ME3: variants seen among roughly 807,000 people sequenced by gnomAD.
ME3 encodes malic enzyme 3.
ME3 carries 48 observed loss-of-function variants against 68.9 expected under a neutral mutation model. That is an observed-to-expected ratio of 0.70 (90% CI 0.55 to 0.89). The LOEUF (loss-of-function observed/expected upper bound fraction) is 0.89, where lower values mean the gene tolerates loss of function less well. Among genes scored for constraint, ME3 ranks in the 40% least tolerant of loss-of-function variants. The pLI is 0.00. For synonymous variants in ME3, 320 were observed against 318.8 expected (o/e 1.00, Z -0.04); for missense variants, 675 against 797.4 (o/e 0.85, Z 1.85).
intron 4 of ME3, among the ~76,000 whole-genome samples, chr11:86,511,890 G>A (rs557942976): frequency 6.6e-6 from 1 of 152,078 alleles, no homozygotes; most frequent in African/African-American, 2.4e-5. Flanking sequence ...CAAGACCCAT[G>A]ACTCATGACT....
intron 2 of ME3, among the ~76,000 whole-genome samples, chr11:86,655,742 A>C (rs1439338673): frequency 6.6e-6 from 1 of 151,832 alleles, no homozygotes; most frequent in Non-Finnish European, 1.5e-5. Context: ...GACAAAATTG[A>C]CAAATGGAAT....
intron 2 of ME3, among the ~76,000 whole-genome samples, chr11:86,560,728 GTGTGTGTGTGTGTGTGTGTGTA>G (rs1957171839): frequency 2.0e-5 from 2 of 97,982 alleles, no homozygotes; most frequent in African/African-American, 4.0e-5. Flanking sequence ...GTGTGTGTAT[GTGTGTGTGTGTGTGTGTGTGTA>G]TATATATATA....
At chr11:86,556,445 C>T in intron 4 of ME3, 108 bp downstream of exon 4, 1 of 1,332,404 alleles carries the variant, frequency 7.5e-7, no homozygotes, top group Admixed American at 2.6e-5. Flanking sequence ...GGACCACTGA[C>T]CCAATCAGAG....
chr11:86,465,046 A>G (rs746833927), intron 8 of ME3, 45 bp downstream of exon 8: 6 of 1,481,278 alleles, frequency 4.1e-6, no homozygotes, highest in South Asian at 3.4e-5. Context: ...GGTTGAGAAT[A>G]TAAGTTAGTC....
chr11:86,607,987 T>C (rs906151535), intron 2 of ME3, among the ~76,000 whole-genome samples: 1 of 152,144 alleles, frequency 6.6e-6, no homozygotes, highest in Non-Finnish European at 1.5e-5. Context: ...ATGAGGTATT[T>C]CCCACATGCT....
At chr11:86,446,259 A>C (rs896828116) in intron 13 of ME3, 55 bp downstream of exon 13, 8 of 1,587,972 alleles carry the variant, frequency 5.0e-6, no homozygotes, top group African/African-American at 1.3e-5. Flanking sequence ...TATAGGACCC[A>C]GTGTCAACCC....
At chr11:86,517,334 A>G (rs1040877269) in intron 4 of ME3, among the ~76,000 whole-genome samples, 4 of 152,192 alleles carry the variant, frequency 2.6e-5, no homozygotes, top group Admixed American at 2.6e-4. Flanking sequence ...ATTAGCCTGC[A>G]TCCAGTGTGA....
chr11:86,641,857 G>A (rs1944691963), intron 2 of ME3, among the ~76,000 whole-genome samples: 3 of 152,092 alleles, frequency 2.0e-5, no homozygotes, highest in Non-Finnish European at 2.9e-5. Context: ...TGTTCCTGAT[G>A]CTATTAAAAC....
chr11:86,445,219 A>G (rs1284231596), intron 13 of ME3, among the ~76,000 whole-genome samples: 3 of 152,370 alleles, frequency 2.0e-5, no homozygotes, highest in East Asian at 3.9e-4. Flanking sequence ...TACTCAGACA[A>G]GAGGAACAGA....
chr11:86,515,330 G>C (rs1413622120), intron 4 of ME3, among the ~76,000 whole-genome samples: 1 of 152,106 alleles, frequency 6.6e-6, no homozygotes, highest in Non-Finnish European at 1.5e-5. Flanking sequence ...TAATGCTCTT[G>C]CAACACTATC....
intron 4 of ME3, among the ~76,000 whole-genome samples, chr11:86,532,463 A>C (rs1955323848): frequency 6.6e-6 from 1 of 152,232 alleles, no homozygotes; most frequent in African/African-American, 2.4e-5. Context: ...ATCATATGTT[A>C]GGCCATAAAA....
At chr11:86,506,190 T>C (rs1369630269) in intron 5 of ME3, among the ~76,000 whole-genome samples, 1 of 152,192 alleles carries the variant, frequency 6.6e-6, no homozygotes, top group African/African-American at 2.4e-5. Context: ...GATGTCTCTC[T>C]TATTTGGGGC....
intron 2 of ME3, among the ~76,000 whole-genome samples, chr11:86,580,087 TA>T (rs1430721351): frequency 1.3e-5 from 2 of 152,244 alleles, no homozygotes; most frequent in African/African-American, 4.8e-5. Context: ...TCTCATTTCA[TA>T]AACATGATTA....
intron 4 of ME3, among the ~76,000 whole-genome samples, chr11:86,530,186 C>G (rs1457103601): frequency 6.6e-6 from 1 of 152,140 alleles, no homozygotes; most frequent in African/African-American, 2.4e-5. Flanking sequence ...GCAAAAATCA[C>G]AAGCATTCTT....
At chr11:86,494,028 G>GA (rs1952159472) in intron 6 of ME3, among the ~76,000 whole-genome samples, 1 of 148,346 alleles carries the variant, frequency 6.7e-6, no homozygotes, top group Non-Finnish European at 1.5e-5. Flanking sequence ...CTTCTGGGGG[G>GA]AATATCTTGC....
At chr11:86,624,428 A>G (rs940827892) in intron 2 of ME3, among the ~76,000 whole-genome samples, 2 of 152,214 alleles carry the variant, frequency 1.3e-5, no homozygotes, top group African/African-American at 4.8e-5. Context: ...AATAAAAACA[A>G]TATGTTTACC....
At chr11:86,558,455 G>A (rs1425341855) in intron 3 of ME3, among the ~76,000 whole-genome samples, 1 of 152,182 alleles carries the variant, frequency 6.6e-6, no homozygotes, top group East Asian at 1.9e-4. Flanking sequence ...AGAGCTTTGG[G>A]AGTAGGGGTG....
rs549454124 is a variant in ME3 at position 86,645,029 on chromosome 11, C to T, written c.183+26733G>A. On this transcript the variant is annotated intron_variant, in intron 2 of 14. Coordinates refer to ENST00000543262, the Ensembl canonical transcript of ME3. ...GCCATGAGAGACGAAGCTATGTGGC[C>T]CAGATACTACGCTTTTCCCACTGTC... 9.2e-5 allele frequency among the ~76,000 whole-genome samples: 14 copies of T among 152,288 alleles called. No individual in the cohort carries two copies. In the South Asian group the frequency reaches 2.7e-3, roughly 29 times the overall value.
chr11:86,535,757 C>T (rs926986930), intron 4 of ME3, among the ~76,000 whole-genome samples: 3 of 152,142 alleles, frequency 2.0e-5, no homozygotes, highest in African/African-American at 7.2e-5. Flanking sequence ...ACATGCAATG[C>T]ATTTTAAACA....
Sources: allele counts gnomAD v4.1 joint callset (sites outside exome capture counted in the v4.1 genomes callset), GRCh38; gene constraint gnomAD v4.1.1; transcripts MANE v1.5; gene names NCBI Gene and HGNC (gene_info 2026-07-23, HGNC 2026-07-21).